The following TRPV6 variants were observed in gnomAD, a reference collection of about 807,000 sequenced individuals.
The protein encoded by TRPV6 is Alu-binding protein with zinc finger domain.
In TRPV6, 39 loss-of-function variants were observed where a neutral mutation model predicts 79.0. The observed-to-expected ratio is 0.49, with a 90% CI of 0.38 to 0.64. TRPV6 has a LOEUF of 0.64. Ranked by LOEUF, TRPV6 falls within the 30% of genes least tolerant of loss-of-function variation. The pLI, the probability that TRPV6 is intolerant of heterozygous loss-of-function variation, is 0.00. For synonymous variants in TRPV6, 373 were observed against 391.9 expected (o/e 0.95, Z 0.57); for missense variants, 813 against 1,011.1 (o/e 0.80, Z 2.66).
intron 6 of TRPV6, chr7:142,876,138 C>T (rs756926963): frequency 1.6e-5 from 11 of 672,930 alleles, no homozygotes; most frequent in Non-Finnish European, 2.7e-5. Flanking sequence ...GGCTGGAGGG[C>T]CCTGCTCTGG....
chr7:142,878,124 G>A (rs1795117461), intron 1 of TRPV6, 98 bp from the exon 2 acceptor site: 7 of 977,672 alleles, frequency 7.2e-6, no homozygotes, highest in Non-Finnish European at 1.1e-5. Flanking sequence ...ACAGATGTGT[G>A]TGCCTCAGCA....
chr7:142,883,503 G>T (rs780131391), intron 1 of TRPV6: 1 of 152,208 alleles, frequency 6.6e-6, no homozygotes, highest in African/African-American at 2.4e-5. Flanking sequence ...TTCATAGGGG[G>T]ATAACAGGAC....
In TRPV6 at chr7:142,885,603, G is replaced by C; in HGVS notation, c.34C>G (p.Leu12Val). The C allele has an allele frequency of 6.7e-7, 1 of 1,489,992 alleles. No homozygotes were observed. Among genetic ancestry groups the C allele is most frequent in the Non-Finnish European group, 8.9e-7 (1 of 1,117,838 alleles). 92.3% of individuals were successfully genotyped at this position (1,489,992 alleles called of 1,614,324 possible). Residue 12 changes from leucine (L) to valine (V), a missense_variant, in exon 1 of 15, where the codon CTT (leucine) becomes GTT (valine). Physicochemically the swap from Leu to Val is conservative, Grantham distance 32. Coordinates refer to ENST00000359396, the MANE Select transcript of TRPV6 (RefSeq NM_018646.6). Reference sequence around the variant, plus strand: ...CTTGGGGCCACATCAGCCCCCCCAAGGGCCGGCCCACCGTCTCCCTGTAGA... The same window carrying C: ...CTTGGGGCCACATCAGCCCCCCCAACGGCCGGCCCACCGTCTCCCTGTAGA...
In TRPV6 at chr7:142,871,500, T is replaced by C; in HGVS notation, c.*207A>G. 1 of 615,724 alleles carries C rather than the reference T, an allele frequency of 1.6e-6. No individual in the cohort carries two copies. Among genetic ancestry groups the C allele is most frequent in the South Asian group, 2.2e-5 (1 of 45,364 alleles). The allele number at this position is 615,724 out of a possible 1,614,324, so 38.1% of individuals were successfully genotyped here. ...TCCTCACGCCCTGCCAGCCCCGTGC[T>C]TGGGCTGGGCTTCCTCTGCCCCAGA... On this transcript the variant is annotated 3_prime_UTR_variant, in exon 15 of 15. Coordinates refer to ENST00000359396, the MANE Select transcript of TRPV6 (RefSeq NM_018646.6).
At chr7:142,883,319 A>G (rs1795231281) in intron 1 of TRPV6, 1 of 152,148 alleles carries the variant, frequency 6.6e-6, no homozygotes, top group Non-Finnish European at 1.5e-5. Context: ...CTGTAAAAAG[A>G]GGAGTTTGGG....
intron 3 of TRPV6, 104 bp downstream of exon 3, chr7:142,877,547 G>A: frequency 6.6e-7 from 1 of 1,525,346 alleles, no homozygotes; most frequent in Non-Finnish European, 8.8e-7. Flanking sequence ...AAGAGTAGGA[G>A]GCTCAGATCC....
At chr7:142,872,621 A>G (rs1794967465) in intron 13 of TRPV6, 143 bp from the exon 14 acceptor site, 2 of 831,974 alleles carry the variant, frequency 2.4e-6, no homozygotes, top group Non-Finnish European at 3.8e-6. Context: ...ATGACCCAAC[A>G]TCCATGACGC....
chr7:142,878,095 C>T, intron 1 of TRPV6, 69 bp from the exon 2 acceptor site: 1 of 1,321,418 alleles, frequency 7.6e-7, no homozygotes, highest in Non-Finnish European at 1.1e-6. Flanking sequence ...GAGGCCCTGG[C>T]TTGACTCCAT....
chr7:142,882,696 G>A (rs2116533726), intron 1 of TRPV6: 1 of 152,314 alleles, frequency 6.6e-6, no homozygotes, highest in South Asian at 2.1e-4. Flanking sequence ...TTGTGCACAT[G>A]TCTATTTGCG....
At chr7:142,872,090 G>A (rs1440039555) in intron 14 of TRPV6, 101 bp from the exon 15 acceptor site, 2 of 1,468,428 alleles carry the variant, frequency 1.4e-6, no homozygotes, top group Non-Finnish European at 9.1e-7. Flanking sequence ...CCCCGCCATT[G>A]CTGGCCTTTT....
Position 142,875,549 on chromosome 7 carries a change from G to A in TRPV6, c.1161C>T (p.Cys387=). 1 of 1,613,038 alleles carries A rather than the reference G, an allele frequency of 6.2e-7. No homozygotes were observed. The highest frequency in any genetic ancestry group is 8.5e-7 in the Non-Finnish European group (1 of 1,179,958). The change falls in exon 8 of 15, where the codon TGC becomes TGT. Residue 387 remains cysteine, a synonymous_variant. Coordinates refer to ENST00000359396, the MANE Select transcript of TRPV6 (RefSeq NM_018646.6). ...TCCTGGGCTTGAGGGGGCGGTAGAT[G>A]CAGCACATGGTGAAGCAGATGATGT... is the stretch of plus-strand genomic sequence containing the variant.
chr7:142,874,555 C>T lies in TRPV6; in HGVS notation c.1508G>A (p.Cys503Tyr). ...TCCTCGGGCGAAGTACATGACGTTG[C>T]ACCAGCCCAGCACGAGTGCAAAGGA... The change falls in exon 11 of 15, where the codon TGC becomes TAC. Residue 503 changes from cysteine (C) to tyrosine (Y), a missense_variant. Coordinates refer to ENST00000359396, the MANE Select transcript of TRPV6 (RefSeq NM_018646.6). 1 of 1,614,052 alleles carries T rather than the reference C, an allele frequency of 6.2e-7. No homozygotes were observed. The highest frequency in any genetic ancestry group is 8.5e-7 in the Non-Finnish European group (1 of 1,180,014).
At chr7:142,885,360 G>C (rs1248197302) in intron 1 of TRPV6, 29 bp downstream of exon 1, 1 of 1,593,026 alleles carries the variant, frequency 6.3e-7, no homozygotes, top group East Asian at 2.2e-5. Flanking sequence ...TGGGGAGGTG[G>C]GGAAGGGAGC....
chr7:142,874,731 G>T, intron 10 of TRPV6, 75 bp from the exon 11 acceptor site: 1 of 1,574,122 alleles, frequency 6.4e-7, no homozygotes, highest in African/African-American at 1.3e-5. Context: ...GAATGTAGCT[G>T]GGAAAGTACC....
intron 1 of TRPV6, chr7:142,885,157 G>C (rs542000226): frequency 1.9e-4 from 73 of 388,080 alleles, no homozygotes; most frequent in Non-Finnish European, 2.4e-4. Flanking sequence ...TTGCAGAATC[G>C]AATTAGATCT....
Position 142,871,619 on chromosome 7 carries a change from T to G in TRPV6, c.*88A>C. The stretch of plus-strand genomic sequence containing the variant: ...TCTTTCTCCCCTGGGGCCTGGGAGA[T>G]GAGACCTCTGGGTGTTTGGTTTTTG... On this transcript the variant is annotated 3_prime_UTR_variant, in exon 15 of 15. Transcript: ENST00000359396. The G allele has an allele frequency of 1.0e-5, 15 of 1,482,222 alleles. No individual in the cohort carries two copies. Among genetic ancestry groups the G allele is most frequent in the Non-Finnish European group, 1.3e-5 (14 of 1,100,550 alleles). The allele number at this position is 1,482,222 out of a possible 1,614,324, so 91.8% of individuals were successfully genotyped here.
chr7:142,877,322 T>A, intron 3 of TRPV6, 43 bp from the exon 4 acceptor site: 1 of 1,605,216 alleles, frequency 6.2e-7, no homozygotes, highest in Non-Finnish European at 8.5e-7. Context: ...GTCCCCAGGA[T>A]CCTGCAGGGG....
At position 142,874,949 on chromosome 7, in the gene TRPV6, C is replaced by A. The variant is rs376154020; in HGVS notation, c.1361G>T (p.Arg454Leu). 4 of 1,614,074 alleles carry A rather than the reference C, an allele frequency of 2.5e-6. No individual in the cohort carries two copies. Among genetic ancestry groups the A allele is most frequent in the Non-Finnish European group, 3.4e-6 (4 of 1,180,026 alleles). Residue 454 changes from arginine to leucine, a missense_variant, in exon 10 of 15, where the codon CGC becomes CTC. Arg to Leu is a moderately radical substitution (Grantham distance 102). Around this residue, in one of 3 missense-constraint regions of TRPV6, gnomAD observed 555 missense variants for 631.0 expected, o/e 0.88. Transcript: ENST00000359396. ...CCCAAGGATGGTCTGTCCAAAGAAG[C>A]GAGTGACCCCCATTCTGAAGATGTC...
chr7:142,878,871 C>A (rs979451724), intron 1 of TRPV6: 2 of 152,154 alleles, frequency 1.3e-5, no homozygotes, highest in Non-Finnish European at 2.9e-5. Flanking sequence ...TCCAAATCTG[C>A]AGTTTAAGAA....
Sources: gnomAD v4.1 joint callset for allele counts on GRCh38, gnomAD v4.1.1 for gene constraint, gnomAD v4.1.1 regional missense constraint, MANE v1.5 for transcripts, NCBI Gene and HGNC (gene_info 2026-07-23, HGNC 2026-07-21) for gene names.